Variants in GRIK1 observed in about 807,000 individuals in gnomAD.
GRIK1 encodes the protein glutamate ionotropic receptor kainate type subunit 1, also known as glutamate receptor ionotropic, kainate 1.
In GRIK1, 69 loss-of-function variants were observed where a neutral mutation model predicts 105.7. That is an observed-to-expected ratio of 0.65 (90% CI 0.54 to 0.80). GRIK1 has a LOEUF of 0.80. Ranked by LOEUF, GRIK1 falls within the 30% of genes least tolerant of loss-of-function variation. The pLI, the probability that GRIK1 is intolerant of heterozygous loss-of-function variation, is 0.00. For synonymous variants in GRIK1, 438 were observed against 431.3 expected (o/e 1.02, Z -0.19); for missense variants, 1,109 against 1,167.3 (o/e 0.95, Z 0.73).
intron 1 of GRIK1, among the ~76,000 whole-genome samples, chr21:29,801,317 A>G (rs1179606913): frequency 6.6e-6 from 1 of 151,970 alleles, no homozygotes; most frequent in Non-Finnish European, 1.5e-5. Context: ...CAACTTAATA[A>G]ATAGTACTTA....
intron 1 of GRIK1, among the ~76,000 whole-genome samples, chr21:29,776,735 C>T (rs462637): frequency 0.7 from 106,759 of 152,074 alleles, 38,718 homozygotes; most frequent in Middle Eastern, 0.81. Context: ...CAAATGTGGA[C>T]TTTTCAATGA....
chr21:29,880,165 A>G (rs1385612256), intron 1 of GRIK1, among the ~76,000 whole-genome samples: 1 of 152,120 alleles, frequency 6.6e-6, no homozygotes, highest in East Asian at 1.9e-4. Flanking sequence ...TAAACACAAA[A>G]AAACCTCAAG....
chr21:29,798,875 T>G (rs2066628176), intron 1 of GRIK1, among the ~76,000 whole-genome samples: 1 of 152,162 alleles, frequency 6.6e-6, no homozygotes, highest in Non-Finnish European at 1.5e-5. Context: ...CTTGCTTTAC[T>G]TGGTGGTTGG....
rs567194646 is a variant in GRIK1 at position 29,665,298 on chromosome 21, G to C, written c.726+7685C>G. Among the ~76,000 whole-genome samples, 6 of 152,204 alleles carry C rather than the reference G, an allele frequency of 3.9e-5. No individual in the cohort carries two copies. In the South Asian group the frequency reaches 8.3e-4, roughly 21 times the overall value. On this transcript the variant is annotated intron_variant, in intron 4 of 17. Transcript: ENST00000327783. ...CTTGTATACATTTAATAATATACTC[G>C]TAACTATGAACCGCTCCGTACAACT... is the stretch of plus-strand genomic sequence containing the variant.
intron 1 of GRIK1, among the ~76,000 whole-genome samples, chr21:29,715,410 T>A (rs118113267): frequency 0.032 from 4,933 of 152,200 alleles, 125 homozygotes; most frequent in Non-Finnish European, 0.045. Context: ...CAAGGAGGCA[T>A]TTACCTTGGA....
At chr21:29,554,968 A>G (rs1395212796) in intron 16 of GRIK1, 84 bp downstream of exon 16, 1 of 1,180,514 alleles carries the variant, frequency 8.5e-7, no homozygotes, top group Non-Finnish European at 1.2e-6. Context: ...AGACTGAAAA[A>G]GAGCAAACAT....
chr21:29,790,529 C>T (rs2066385784), intron 1 of GRIK1, among the ~76,000 whole-genome samples: 1 of 151,804 alleles, frequency 6.6e-6, no homozygotes, highest in African/African-American at 2.4e-5. Flanking sequence ...AATCACAGCT[C>T]ACTGCAGCCT....
intron 1 of GRIK1, among the ~76,000 whole-genome samples, chr21:29,893,255 T>A (rs1478483291): frequency 6.6e-6 from 1 of 152,228 alleles, no homozygotes; most frequent in African/African-American, 2.4e-5. Flanking sequence ...TGGTTTTTTA[T>A]TTATTATCTG....
intron 1 of GRIK1, among the ~76,000 whole-genome samples, chr21:29,822,167 C>T (rs1006973708): frequency 7.2e-5 from 11 of 152,008 alleles, no homozygotes; most frequent in African/African-American, 2.7e-4. Context: ...TGTAGAGTCT[C>T]TGGGCCATAC....
At chr21:29,782,300 A>G (rs559212698) in intron 1 of GRIK1, among the ~76,000 whole-genome samples, 13 of 151,860 alleles carry the variant, frequency 8.6e-5, no homozygotes, top group South Asian at 6.2e-4. Context: ...GTTAGCCAGG[A>G]TGGTCTCGAT....
Position 29,691,978 on chromosome 21 carries a change from G to C in GRIK1, c.286+1918C>G, listed in dbSNP as rs188673586. 3.4e-3 allele frequency among the ~76,000 whole-genome samples: 518 copies of C among 152,290 alleles called. 2 individuals are homozygous for C. Among genetic ancestry groups the C allele is most frequent in the Non-Finnish European group, 6.0e-3 (410 of 68,028 alleles). On this transcript the variant is annotated intron_variant, in intron 2 of 17. Coordinates refer to ENST00000327783, the MANE Select transcript of GRIK1 (RefSeq NM_001330994.2). ...TCTTCAGAAGCTTATTTTCTGGTTA[G>C]GTTTTCATTATTTAGCCAGATAAAA...
intron 1 of GRIK1, among the ~76,000 whole-genome samples, chr21:29,812,982 G>T (rs907591914): frequency 2.0e-5 from 3 of 152,124 alleles, no homozygotes; most frequent in Non-Finnish European, 4.4e-5. Flanking sequence ...GATATTCTGG[G>T]TACAGGAGAC....
intron 1 of GRIK1, among the ~76,000 whole-genome samples, chr21:29,793,472 C>T (rs1292259122): frequency 2.0e-5 from 3 of 151,832 alleles, no homozygotes; most frequent in Non-Finnish European, 2.9e-5. Flanking sequence ...TCTCTCTCTC[C>T]CACCCCCTAC....
intron 9 of GRIK1, chr21:29,596,314 AT>A: frequency 2.9e-6 from 2 of 686,772 alleles, no homozygotes. Flanking sequence ...ATCCATAATT[AT>A]TTAATCCACT....
At chr21:29,744,450 A>G (rs1167259768) in intron 1 of GRIK1, among the ~76,000 whole-genome samples, 2 of 152,186 alleles carry the variant, frequency 1.3e-5, no homozygotes, top group African/African-American at 2.4e-5. Flanking sequence ...GCACACCTCC[A>G]ACATCACTTC....
intron 1 of GRIK1, among the ~76,000 whole-genome samples, chr21:29,926,348 C>A (rs77574718): frequency 0.02 from 3,089 of 152,260 alleles, 125 homozygotes; most frequent in African/African-American, 0.071. Flanking sequence ...TTTTTGTACT[C>A]TAAAGCTTTT....
intron 1 of GRIK1, among the ~76,000 whole-genome samples, chr21:29,916,440 A>C (rs546131443): frequency 6.6e-6 from 1 of 152,104 alleles, no homozygotes; most frequent in South Asian, 2.1e-4. Flanking sequence ...AATAACCTAG[A>C]TTAATGCATC....
chr21:29,558,400 A>G (rs1032363195), intron 15 of GRIK1, among the ~76,000 whole-genome samples: 1 of 147,682 alleles, frequency 6.8e-6, no homozygotes, highest in African/African-American at 2.7e-5. Flanking sequence ...ACACACACAT[A>G]TCTTCCTGAA....
chr21:29,916,681 T>C (rs1039549370), intron 1 of GRIK1, among the ~76,000 whole-genome samples: 4 of 151,962 alleles, frequency 2.6e-5, no homozygotes, highest in Admixed American at 1.3e-4. Context: ...ATTCATCTTA[T>C]TGTGACTAAA....
Sources: gnomAD v4.1 joint callset for allele counts (sites outside exome capture counted in the v4.1 genomes callset) on GRCh38, gnomAD v4.1.1 for gene constraint, MANE v1.5 for transcripts, NCBI Gene and HGNC (gene_info 2026-07-23, HGNC 2026-07-21) for gene names.